Variants in FLT1 observed in about 807,000 individuals in gnomAD.
FLT1 encodes the protein fms related receptor tyrosine kinase 1.
A neutral mutation model predicts 156.3 loss-of-function variants in FLT1; 49 were observed. The ratio of observed to expected loss-of-function variants is 0.31; its 90% CI spans 0.25 to 0.40. FLT1 has a LOEUF of 0.40. Ranked by LOEUF, FLT1 falls within the 10% of genes least tolerant of loss-of-function variation. The pLI is 1.00. For missense variants in FLT1, 1,322 were observed against 1,637.2 expected (o/e 0.81, Z 3.32); for synonymous variants, 594 against 583.8 (o/e 1.02, Z -0.25).
intron 1 of FLT1, among the ~76,000 whole-genome samples, chr13:28,493,188 C>T (rs1881561770): frequency 1.3e-5 from 2 of 152,270 alleles, no homozygotes; most frequent in South Asian, 4.1e-4. Context: ...ATTTTAGATT[C>T]ATGTAATTTA....
Position 28,415,299 on chromosome 13 carries a change from G to C in FLT1, c.1437-9405C>G, listed in dbSNP as rs186396178. Reference sequence around the variant, plus strand: ...GTTCGAGACCAGCCTGACCAACATGGAGAAACCCTGTCTCTACTAAAAATA... The same window carrying C: ...GTTCGAGACCAGCCTGACCAACATGCAGAAACCCTGTCTCTACTAAAAATA... On this transcript the variant is annotated intron_variant, in intron 10 of 29. Coordinates refer to ENST00000282397, the MANE Select transcript of FLT1 (RefSeq NM_002019.4). 6.0e-3 allele frequency among the ~76,000 whole-genome samples: 920 copies of C among 152,238 alleles called. 13 individuals are homozygous for C. Among genetic ancestry groups the C allele is most frequent in the African/African-American group, 0.02 (851 of 41,538 alleles).
At chr13:28,482,507 GA>G (rs1202865729) in intron 1 of FLT1, among the ~76,000 whole-genome samples, 2 of 148,588 alleles carry the variant, frequency 1.3e-5, no homozygotes, top group African/African-American at 2.5e-5. Flanking sequence ...GAAAGAAAAA[GA>G]AAAAAAAAGA....
intron 19 of FLT1, among the ~76,000 whole-genome samples, chr13:28,328,765 C>T (rs557613196): frequency 2.0e-5 from 3 of 152,316 alleles, no homozygotes; most frequent in Non-Finnish European, 2.9e-5. Flanking sequence ...AGCTGACGGC[C>T]GCACATGAGG....
At chr13:28,319,288 A>C in intron 24 of FLT1, 135 bp downstream of exon 24, 2 of 681,148 alleles carry the variant, frequency 2.9e-6, no homozygotes, top group Non-Finnish European at 5.4e-6. Flanking sequence ...GAGAGTCTAC[A>C]TGGGCCCATT....
chr13:28,482,381 T>TGA (rs933841899), intron 1 of FLT1, among the ~76,000 whole-genome samples: 56 of 151,318 alleles, frequency 3.7e-4, no homozygotes, highest in African/African-American at 1.4e-3. Flanking sequence ...GAGATTGCAG[T>TGA]GAGCCGAGAT....
intron 29 of FLT1, among the ~76,000 whole-genome samples, chr13:28,306,281 G>A (rs1046664385): frequency 1.4e-4 from 22 of 152,276 alleles, no homozygotes; most frequent in Non-Finnish European, 2.5e-4. Context: ...TCTTAGCCCC[G>A]GAAAACAGTA....
At chr13:28,386,419 G>T in intron 13 of FLT1, 1 of 1,038,110 alleles carries the variant, frequency 9.6e-7, no homozygotes, top group Non-Finnish European at 1.2e-6. Flanking sequence ...GATTTCTACA[G>T]TTTATCATTA....
In FLT1 at chr13:28,349,425, TACACACAC is replaced by T. The variant is rs34182100; in HGVS notation, c.2249-3882_2249-3875del. ...AGTGAGGTTTAATGCGGCCTTGCTG[TACACACAC>T]ACACACACACACACACACACACACA... On this transcript the variant is annotated intron_variant, in intron 15 of 29. Transcript: ENST00000282397. 7.4e-3 allele frequency among the ~76,000 whole-genome samples: 1,086 copies of T among 147,000 alleles called. 9 individuals are homozygous for T. The highest frequency in any genetic ancestry group is 9.5e-3 in the Admixed American group (141 of 14,784).
In FLT1 at chr13:28,300,947, A is replaced by AT. The variant is rs1245521796; in HGVS notation, c.*2219dup. On this transcript the variant is annotated 3_prime_UTR_variant, in exon 30 of 30. Coordinates refer to ENST00000282397, the MANE Select transcript of FLT1 (RefSeq NM_002019.4). ...TACAAGTCTCCATTTTTCTTTCTAC[A>AT]TTAAGACTCCAGATGGAACCATTCT... 1 of 232,882 alleles carries AT rather than the reference A, an allele frequency of 4.3e-6. No homozygotes were observed. The highest frequency in any genetic ancestry group is 8.5e-6 in the Non-Finnish European group (1 of 117,906). The allele number at this position is 232,882 out of a possible 1,614,324, so 14.4% of individuals were successfully genotyped here.
intron 29 of FLT1, 123 bp from the exon 30 acceptor site, chr13:28,303,491 A>AGC (rs781008736): frequency 1.4e-6 from 1 of 706,580 alleles, no homozygotes. Context: ...ATGGTTTTGG[A>AGC]ACCCCCCCCC....
At chr13:28,368,300 G>T in intron 14 of FLT1, 1 of 481,388 alleles carries the variant, frequency 2.1e-6, no homozygotes, top group Non-Finnish European at 3.4e-6. Flanking sequence ...TTACAGGCAT[G>T]AGCCACCATG....
At chr13:28,343,768 G>A (rs1387946801) in intron 16 of FLT1, among the ~76,000 whole-genome samples, 1 of 148,922 alleles carries the variant, frequency 6.7e-6, no homozygotes, top group South Asian at 2.1e-4. Flanking sequence ...TCAGCCTCCC[G>A]AGTAGCTGGG....
At chr13:28,319,561 C>A (rs763626690) in intron 23 of FLT1, 27 bp from the exon 24 acceptor site, 1 of 1,395,442 alleles carries the variant, frequency 7.2e-7, no homozygotes, top group Non-Finnish European at 1.0e-6. Flanking sequence ...GGGCCTTGAG[C>A]AGAAGGGCAT....
chr13:28,398,610 G>T (rs182170714), intron 11 of FLT1, among the ~76,000 whole-genome samples: 2 of 152,284 alleles, frequency 1.3e-5, no homozygotes, highest in East Asian at 3.9e-4. Context: ...AGTACACAGT[G>T]CTTTCTCTTC....
chr13:28,453,061 CCTT>C, intron 3 of FLT1, among the ~76,000 whole-genome samples: 1 of 3,772 alleles, frequency 2.7e-4, no homozygotes, highest in Non-Finnish European at 4.9e-4. Context: ...CCTTTCCTTT[CCTT>C]TCCTTTCCTT....
At chr13:28,473,244 C>T (rs1880277811) in intron 1 of FLT1, among the ~76,000 whole-genome samples, 1 of 152,184 alleles carries the variant, frequency 6.6e-6, no homozygotes, top group Admixed American at 6.5e-5. Flanking sequence ...AAACACATGA[C>T]TCAGCAATTG....
chr13:28,368,034 T>C (rs2137423446), intron 14 of FLT1: 2 of 356,658 alleles, frequency 5.6e-6, no homozygotes, highest in East Asian at 1.6e-4. Flanking sequence ...GAGGATTATG[T>C]GTTGCTTATT....
intron 14 of FLT1, 107 bp downstream of exon 14, chr13:28,384,778 C>A: frequency 9.2e-7 from 1 of 1,082,428 alleles, no homozygotes; most frequent in Non-Finnish European, 1.4e-6. Context: ...GGGGCTCTAT[C>A]AGCAAGTAGG....
intron 14 of FLT1, among the ~76,000 whole-genome samples, chr13:28,360,064 C>T (rs1225949287): frequency 2.0e-5 from 3 of 152,016 alleles, no homozygotes; most frequent in East Asian, 1.9e-4. Context: ...TGAGCGAGAT[C>T]GTGCCACTGC....
Sources: gnomAD v4.1 joint callset for allele counts (sites outside exome capture counted in the v4.1 genomes callset) on GRCh38, gnomAD v4.1.1 for gene constraint, MANE v1.5 for transcripts, NCBI Gene and HGNC (gene_info 2026-07-23, HGNC 2026-07-21) for gene names.